The following EXT1 variants were observed in gnomAD, a reference collection of about 807,000 sequenced individuals.
EXT1 encodes exostosin glycosyltransferase 1.
In EXT1, 20 loss-of-function variants were observed where a neutral mutation model predicts 82.5. That is an observed-to-expected ratio of 0.24 (90% CI 0.17 to 0.35). The LOEUF (loss-of-function observed/expected upper bound fraction) is 0.35. EXT1 is among the 10% of genes least tolerant of loss of function. The pLI is 1.00. For missense variants in EXT1, 757 were observed against 936.5 expected, an observed-to-expected ratio of 0.81 and a Z score of 2.50; for synonymous variants, 348 against 350.8, an observed-to-expected ratio of 0.99 and a Z score of 0.09.
chr8:118,109,941 A>C, intron 1 of EXT1, 144 bp downstream of exon 1: 2 of 1,325,642 alleles, frequency 1.5e-6, no homozygotes, highest in Non-Finnish European at 2.1e-6. Context: ...GCACACCCGA[A>C]CCGGATTTGC....
At position 117,895,563 on chromosome 8, in the gene EXT1, G is replaced by A. The variant is rs1813319841; in HGVS notation, c.963-58362C>T. ...AAGGGAAGTCATTAAGACCCATCCA[G>A]GTCTGAGTGTTATACGAAAATGTTA... On this transcript the variant is annotated intron_variant, in intron 1 of 10. Transcript: ENST00000378204. 2.0e-5 allele frequency among the ~76,000 whole-genome samples: 3 copies of A among 152,102 alleles called. No homozygotes were observed. In the South Asian group the frequency reaches 6.2e-4, roughly 31 times the overall value.
At chr8:118,042,537 C>T (rs1816551768) in intron 1 of EXT1, among the ~76,000 whole-genome samples, 1 of 152,094 alleles carries the variant, frequency 6.6e-6, no homozygotes, top group Non-Finnish European at 1.5e-5. Context: ...TCAAGTGATC[C>T]ACCCACCTCA....
chr8:117,983,734 T>A (rs1230896261), intron 1 of EXT1, among the ~76,000 whole-genome samples: 1 of 152,222 alleles, frequency 6.6e-6, no homozygotes, highest in Non-Finnish European at 1.5e-5. Flanking sequence ...ATGTGTTTAC[T>A]GCAAAGGGCT....
intron 4 of EXT1, among the ~76,000 whole-genome samples, chr8:117,829,241 T>A (rs1812056934): frequency 6.6e-6 from 1 of 152,172 alleles, no homozygotes; most frequent in Admixed American, 6.5e-5. Context: ...GCCAATGCTA[T>A]CTGCTCTATT....
chr8:117,849,923 G>A (rs1812425954), intron 1 of EXT1, among the ~76,000 whole-genome samples: 1 of 152,196 alleles, frequency 6.6e-6, no homozygotes, highest in African/African-American at 2.4e-5. Context: ...TGCTTCAGAA[G>A]TATAGATCAT....
At chr8:118,073,645 A>AAGAGCAGAGCAGAGCAGAGCAGAGC (rs1817143616) in intron 1 of EXT1, among the ~76,000 whole-genome samples, 1 of 96,512 alleles carries the variant, frequency 1.0e-5, no homozygotes, top group South Asian at 3.6e-4. Context: ...AAGAGAAGAG[A>AAGAGCAGAGCAGAGCAGAGCAGAGC]AGAGAAGAGA....
chr8:118,029,665 C>T (rs1040195520), intron 1 of EXT1, among the ~76,000 whole-genome samples: 1 of 152,126 alleles, frequency 6.6e-6, no homozygotes, highest in Non-Finnish European at 1.5e-5. Flanking sequence ...AAAGTAAACA[C>T]TTAACAAATC....
intron 1 of EXT1, among the ~76,000 whole-genome samples, chr8:117,848,746 T>G (rs942709433): frequency 2.6e-5 from 4 of 152,118 alleles, no homozygotes; most frequent in Non-Finnish European, 4.4e-5. Flanking sequence ...TTAATCCCAT[T>G]CCTCCTTCAG....
intron 3 of EXT1, among the ~76,000 whole-genome samples, chr8:117,833,795 A>G (rs1812141055): frequency 6.6e-6 from 1 of 152,150 alleles, no homozygotes; most frequent in Non-Finnish European, 1.5e-5. Context: ...ATGATCATGT[A>G]TTATTTTTAA....
At chr8:117,880,587 C>CT (rs1192972854) in intron 1 of EXT1, among the ~76,000 whole-genome samples, 3 of 132,614 alleles carry the variant, frequency 2.3e-5, no homozygotes, top group African/African-American at 3.2e-5. Context: ...TGTTTTGCCT[C>CT]TTTTTTCTTT....
At chr8:117,972,624 G>A (rs1470043217) in intron 1 of EXT1, among the ~76,000 whole-genome samples, 17 of 152,198 alleles carry the variant, frequency 1.1e-4, no homozygotes, top group Admixed American at 1.1e-3. Flanking sequence ...TTTGATACGT[G>A]TATTAGTCTG....
intron 1 of EXT1, among the ~76,000 whole-genome samples, chr8:117,984,819 G>A (rs1169493999): frequency 6.6e-6 from 1 of 152,130 alleles, no homozygotes; most frequent in Non-Finnish European, 1.5e-5. Context: ...AGTTGGCTGG[G>A]CAAATCTCTC....
At chr8:117,814,911 T>A (rs1394837574) in intron 7 of EXT1, among the ~76,000 whole-genome samples, 1 of 152,122 alleles carries the variant, frequency 6.6e-6, no homozygotes, top group East Asian at 1.9e-4. Context: ...CCAGAGCACC[T>A]AGGACTTTAA....
In EXT1 at chr8:117,929,344, T is replaced by G. The variant is rs180903504; in HGVS notation, c.963-92143A>C. On this transcript the variant is annotated intron_variant, in intron 1 of 10. Coordinates refer to ENST00000378204, the MANE Select transcript of EXT1 (RefSeq NM_000127.3). ...AATCACAGGAAGTGTCAGCTCTGAG[T>G]GCTTCCCTCTTCCTCCTCACTCTGG... is the stretch of plus-strand genomic sequence containing the variant. Among the ~76,000 whole-genome samples, 3 of 152,166 alleles carry G rather than the reference T, an allele frequency of 2.0e-5. 1 individual carries two copies. The South Asian group carries it at 6.2e-4, about 32-fold the overall frequency.
chr8:117,941,151 G>C (rs1201576145), intron 1 of EXT1, among the ~76,000 whole-genome samples: 5 of 152,116 alleles, frequency 3.3e-5, no homozygotes, highest in Non-Finnish European at 7.4e-5. Flanking sequence ...ACTCCTCTAG[G>C]GAACCCTACC....
At chr8:117,820,409 C>T (rs1811903238) in intron 5 of EXT1, among the ~76,000 whole-genome samples, 1 of 152,134 alleles carries the variant, frequency 6.6e-6, no homozygotes, top group South Asian at 2.1e-4. Context: ...GTAAGTTTGT[C>T]TGGGCACGGT....
intron 1 of EXT1, among the ~76,000 whole-genome samples, chr8:117,945,307 C>T (rs1312478513): frequency 6.6e-6 from 1 of 152,194 alleles, no homozygotes; most frequent in Non-Finnish European, 1.5e-5. Flanking sequence ...CCCTGTACAT[C>T]ACCCTTCCTC....
At chr8:117,904,118 C>T (rs926284506) in intron 1 of EXT1, among the ~76,000 whole-genome samples, 1 of 152,142 alleles carries the variant, frequency 6.6e-6, no homozygotes, top group Non-Finnish European at 1.5e-5. Context: ...AACAGTGATA[C>T]TAAACATGGC....
intron 1 of EXT1, among the ~76,000 whole-genome samples, chr8:117,940,378 C>CA: frequency 6.6e-6 from 1 of 152,134 alleles, no homozygotes; most frequent in South Asian, 2.1e-4. Context: ...GAAAGAGTGG[C>CA]AAGCTGAGCT....
Sources: gnomAD v4.1 joint callset for allele counts (sites outside exome capture counted in the v4.1 genomes callset) on GRCh38, gnomAD v4.1.1 for gene constraint, MANE v1.5 for transcripts, NCBI Gene and HGNC (gene_info 2026-07-23, HGNC 2026-07-21) for gene names.